RTN4IP1: variants seen among roughly 807,000 people sequenced by gnomAD.
RTN4IP1 encodes reticulon 4 interacting protein 1.
Under a neutral mutation model 46.6 loss-of-function variants are expected in RTN4IP1, and 32 were observed. That is an observed-to-expected ratio of 0.69 (90% CI 0.52 to 0.92). The LOEUF (loss-of-function observed/expected upper bound fraction) is 0.92, where lower values mean the gene tolerates loss of function less well. Among genes scored for constraint, RTN4IP1 ranks in the 40% least tolerant of loss-of-function variants. RTN4IP1 has a pLI of 0.00. For missense variants in RTN4IP1, 424 were observed against 485.8 expected (o/e 0.87, Z 1.20); for synonymous variants, 167 against 161.8 (o/e 1.03, Z -0.24).
intron 4 of RTN4IP1, among the ~76,000 whole-genome samples, chr6:106,607,098 C>T (rs1261388089): frequency 6.6e-6 from 1 of 151,970 alleles, no homozygotes; most frequent in African/African-American, 2.4e-5. Flanking sequence ...ATAAATCAAC[C>T]TATTTATAGC....
At position 106,622,925 on chromosome 6, in the gene RTN4IP1, G is replaced by A. The variant is rs367986916; in HGVS notation, c.319C>T (p.His107Tyr). The change falls in exon 2 of 9, where the codon CAC (histidine) becomes TAC (tyrosine). Residue 107 changes from histidine (H) to tyrosine (Y), a missense_variant. His to Tyr is a moderately conservative substitution (Grantham distance 83, BLOSUM62 2). Coordinates refer to ENST00000369063, the MANE Select transcript of RTN4IP1 (RefSeq NM_032730.5). Reference sequence around the variant, plus strand: ...AATTCTTCTCCTTTGATTTTCACGTGTAAAGGATCACGCTTCATATTTAAA... The same window carrying A: ...AATTCTTCTCCTTTGATTTTCACGTATAAAGGATCACGCTTCATATTTAAA... ...TALNMKRDPL[H>Y]VKIKGEEFPL... 1.9e-6 allele frequency: 3 copies of A among 1,613,982 alleles called. No homozygotes were observed. The highest frequency in any genetic ancestry group is 2.5e-6 in the Non-Finnish European group (3 of 1,179,990).
intron 8 of RTN4IP1, among the ~76,000 whole-genome samples, chr6:106,578,089 G>T (rs1276880904): frequency 3.9e-5 from 6 of 152,108 alleles, no homozygotes; most frequent in African/African-American, 1.4e-4. Flanking sequence ...TTAGCAGCAG[G>T]TATCATCTGA....
intron 3 of RTN4IP1, among the ~76,000 whole-genome samples, chr6:106,619,881 G>A (rs1776444389): frequency 6.6e-6 from 1 of 151,914 alleles, no homozygotes; most frequent in Non-Finnish European, 1.5e-5. Context: ...AAAGTGCTGG[G>A]ATTACAGGCG....
intron 4 of RTN4IP1, among the ~76,000 whole-genome samples, chr6:106,617,775 G>A (rs780392900): frequency 2.6e-5 from 4 of 152,144 alleles, no homozygotes; most frequent in Non-Finnish European, 4.4e-5. Context: ...CCCTGAACCA[G>A]TAAAAGAAAT....
intron 8 of RTN4IP1, among the ~76,000 whole-genome samples, chr6:106,582,699 C>T (rs986651502): frequency 2.0e-5 from 3 of 152,028 alleles, no homozygotes; most frequent in Non-Finnish European, 4.4e-5. Flanking sequence ...ATGTAAAAAC[C>T]CAAATAAGCA....
chr6:106,572,183 G>T, intron 8 of RTN4IP1, 80 bp from the exon 9 acceptor site: 1 of 1,145,094 alleles, frequency 8.7e-7, no homozygotes, highest in Non-Finnish European at 1.3e-6. Context: ...TTAGTTTCTT[G>T]ACGGTGTCCC....
intron 8 of RTN4IP1, among the ~76,000 whole-genome samples, chr6:106,576,873 A>C (rs1452882445): frequency 2.6e-5 from 4 of 152,224 alleles, no homozygotes; most frequent in African/African-American, 9.6e-5. Flanking sequence ...AAGGTAACTG[A>C]GTGTGACCAA....
At chr6:106,629,642 C>T (rs144848117), upstream of RTN4IP1, 182 of 1,587,148 alleles carry the variant, frequency 1.1e-4, 2 homozygotes, top group East Asian at 3.8e-3. Flanking sequence ...CTTTTTCCCC[C>T]TTGCCTGGCT....
intron 5 of RTN4IP1, among the ~76,000 whole-genome samples, chr6:106,600,300 C>T (rs1775910866): frequency 6.6e-6 from 1 of 151,722 alleles, no homozygotes; most frequent in African/African-American, 2.4e-5. Context: ...AATCAAGCTC[C>T]CTCTTCTAGG....
intron 1 of RTN4IP1, among the ~76,000 whole-genome samples, chr6:106,625,664 T>TTTTC (rs1776617842): frequency 7.4e-6 from 1 of 134,252 alleles, no homozygotes. Context: ...TTTTTTTCTT[T>TTTTC]TTTTTTTTTT....
chr6:106,610,013 A>G (rs1465292606), intron 4 of RTN4IP1, among the ~76,000 whole-genome samples: 1 of 152,194 alleles, frequency 6.6e-6, no homozygotes, highest in Non-Finnish European at 1.5e-5. Flanking sequence ...CATTTTGTGC[A>G]GGTTTCAACC....
At position 106,622,937 on chromosome 6, in the gene RTN4IP1, G is replaced by T; in HGVS notation, c.307C>A (p.Arg103Ser). The change falls in exon 2 of 9, where the codon CGT becomes AGT. Residue 103 changes from arginine to serine, a missense_variant. Physicochemically the swap from Arg to Ser is moderately radical, Grantham distance 110. Transcript: ENST00000369063. ...GYGATALNMK[R>S]DPLHVKIKGE... ...TTGATTTTCACGTGTAAAGGATCACGCTTCATATTTAAAGCTGTAGCTCCA... is the reference window on the plus strand; with the variant it reads ...TTGATTTTCACGTGTAAAGGATCACTCTTCATATTTAAAGCTGTAGCTCCA... The T allele has an allele frequency of 6.2e-7, 1 of 1,614,068 alleles. No individual in the cohort carries two copies. Among genetic ancestry groups the T allele is most frequent in the Non-Finnish European group, 8.5e-7 (1 of 1,179,968 alleles).
intron 3 of RTN4IP1, among the ~76,000 whole-genome samples, chr6:106,620,745 C>A (rs1374181335): frequency 6.6e-6 from 1 of 152,026 alleles, no homozygotes; most frequent in Non-Finnish European, 1.5e-5. Context: ...CACAGATGTT[C>A]AGTAATGTTA....
upstream of RTN4IP1, among the ~76,000 whole-genome samples, chr6:106,629,980 C>T (rs1271225100): frequency 3.3e-5 from 5 of 151,146 alleles, no homozygotes; most frequent in African/African-American, 1.2e-4. Flanking sequence ...GGTCGGGATC[C>T]GGATGGTCTC....
Position 106,592,309 on chromosome 6 carries a change from C to A in RTN4IP1, c.670-9G>T, listed in dbSNP as rs564927359. On this transcript the variant is annotated splice_polypyrimidine_tract_variant and intron_variant, in intron 5 of 8. Transcript: ENST00000369063. ...TCCCATGCTTTCATTACCTGCCCCC[C>A]ACCAAAAAGAAAAAAAGAATAAAAA... 10 of 1,599,538 alleles carry A rather than the reference C, an allele frequency of 6.3e-6. No homozygotes were observed. The highest frequency in any genetic ancestry group is 2.3e-5 in the South Asian group (2 of 87,794).
chr6:106,619,103 A>T, intron 4 of RTN4IP1, 99 bp downstream of exon 4: 1 of 1,334,002 alleles, frequency 7.5e-7, no homozygotes, highest in Non-Finnish European at 1.1e-6. Context: ...CTGTTCGTGT[A>T]AATGATACTA....
intron 1 of RTN4IP1, among the ~76,000 whole-genome samples, chr6:106,623,493 G>A (rs1776547353): frequency 6.6e-6 from 1 of 152,106 alleles, no homozygotes; most frequent in Non-Finnish European, 1.5e-5. Context: ...CATGACACAA[G>A]CTCACCTATG....
At chr6:106,622,038 GA>G (rs888673417) in intron 2 of RTN4IP1, among the ~76,000 whole-genome samples, 47 of 146,918 alleles carry the variant, frequency 3.2e-4, no homozygotes, top group Middle Eastern at 3.5e-3. Context: ...CCCTTTCAAG[GA>G]AAAAAAAAAT....
At position 106,586,571 on chromosome 6, in the gene RTN4IP1, T is replaced by C. The variant is rs181763338; in HGVS notation, c.990+1108A>G. On this transcript the variant is annotated intron_variant, in intron 7 of 8. Coordinates refer to ENST00000369063, the MANE Select transcript of RTN4IP1 (RefSeq NM_032730.5). ...TTGTTTTGTAGAGATAAGCTCTCAC[T>C]ATGTTGCCCAGGCTGGTTTTAAACT... 2.6e-3 allele frequency among the ~76,000 whole-genome samples: 395 copies of C among 152,212 alleles called. 1 individual carries two copies. The highest frequency in any genetic ancestry group is 3.3e-3 in the Admixed American group (50 of 15,288).
Sources: allele counts gnomAD v4.1 joint callset (sites outside exome capture counted in the v4.1 genomes callset), GRCh38; gene constraint gnomAD v4.1.1; transcripts MANE v1.5; gene names NCBI Gene and HGNC (gene_info 2026-07-23, HGNC 2026-07-21).